TRPM3: variants seen among roughly 807,000 people sequenced by gnomAD.
TRPM3 encodes transient receptor potential cation channel subfamily M member 3.
Under a neutral mutation model 181.2 loss-of-function variants are expected in TRPM3, and 77 were observed. The ratio of observed to expected loss-of-function variants is 0.42; its 90% confidence interval spans 0.35 to 0.51. TRPM3 has a LOEUF of 0.51. Ranked by LOEUF, TRPM3 falls within the 20% of genes least tolerant of loss-of-function variation. The pLI, the probability that TRPM3 is intolerant of heterozygous loss-of-function variation, is 0.01. For synonymous variants in TRPM3, 745 were observed against 796.4 expected, an observed-to-expected ratio of 0.94 and a Z score of 1.09; for missense variants, 1,759 against 2,196.7, an observed-to-expected ratio of 0.80 and a Z score of 3.98.
At chr9:71,441,847 G>A (rs979994039) in intron 1 of TRPM3, among the ~76,000 whole-genome samples, 1 of 152,074 alleles carries the variant, frequency 6.6e-6, no homozygotes, top group Non-Finnish European at 1.5e-5. Context: ...TGGCTAGGAT[G>A]GCTGCTATCT....
chr9:71,283,994 T>G (rs1005395695), intron 1 of TRPM3, among the ~76,000 whole-genome samples: 5 of 152,204 alleles, frequency 3.3e-5, no homozygotes, highest in Non-Finnish European at 7.3e-5. Context: ...AGACAATATA[T>G]TAGGGAGGCA....
chr9:70,643,766 A>G (rs954212882), intron 9 of TRPM3, among the ~76,000 whole-genome samples: 6 of 152,250 alleles, frequency 3.9e-5, no homozygotes, highest in African/African-American at 1.4e-4. Flanking sequence ...ACAGCCCCAC[A>G]GATTCTAGTT....
intron 1 of TRPM3, among the ~76,000 whole-genome samples, chr9:71,128,713 T>C (rs562733562): frequency 1.2e-4 from 19 of 152,292 alleles, no homozygotes; most frequent in African/African-American, 4.6e-4. Flanking sequence ...ATTAATATAT[T>C]TTAGGAGGAG....
At chr9:71,255,975 AT>A (rs1565390603) in intron 1 of TRPM3, among the ~76,000 whole-genome samples, 2 of 152,176 alleles carry the variant, frequency 1.3e-5, no homozygotes, top group Non-Finnish European at 2.9e-5. Flanking sequence ...AAGAAAAAAA[AT>A]CGATTTATTG....
At chr9:70,861,842 T>C (rs1377457995) in intron 3 of TRPM3, among the ~76,000 whole-genome samples, 2 of 151,502 alleles carry the variant, frequency 1.3e-5, no homozygotes, top group African/African-American at 4.9e-5. Context: ...TCAGAAATGG[T>C]TTTAATATAC....
chr9:71,171,619 AC>A (rs2076862685), intron 1 of TRPM3, among the ~76,000 whole-genome samples: 1 of 152,122 alleles, frequency 6.6e-6, no homozygotes, highest in Non-Finnish European at 1.5e-5. Context: ...TAAAATACCT[AC>A]AATGTGTTAA....
intron 1 of TRPM3, among the ~76,000 whole-genome samples, chr9:71,079,780 TAGAA>T (rs150121361): frequency 0.014 from 2,190 of 152,228 alleles, 31 homozygotes; most frequent in East Asian, 0.061. Context: ...GGGGTTGGAT[TAGAA>T]AGGCTCCTAT....
intron 1 of TRPM3, among the ~76,000 whole-genome samples, chr9:71,158,714 T>G (rs1330473146): frequency 6.6e-6 from 1 of 152,148 alleles, no homozygotes; most frequent in Non-Finnish European, 1.5e-5. Flanking sequence ...CCCAGATAGC[T>G]GTTCAAAAAT....
intron 1 of TRPM3, among the ~76,000 whole-genome samples, chr9:71,270,678 C>A (rs1175725855): frequency 6.6e-6 from 1 of 152,154 alleles, no homozygotes; most frequent in African/African-American, 2.4e-5. Flanking sequence ...TACCTTTACT[C>A]CTGGTATACA....
chr9:70,823,343 C>T (rs971482595), intron 6 of TRPM3, among the ~76,000 whole-genome samples: 1 of 152,174 alleles, frequency 6.6e-6, no homozygotes, highest in African/African-American at 2.4e-5. Flanking sequence ...ATTAGGGAGA[C>T]CCTGTAATGT....
chr9:71,300,512 C>CTT (rs200428173), intron 1 of TRPM3, among the ~76,000 whole-genome samples: 1 of 149,436 alleles, frequency 6.7e-6, no homozygotes, highest in Non-Finnish European at 1.5e-5. Context: ...TGACATTAAA[C>CTT]TTTTTTTTTT....
chr9:71,252,847 CTTTTTTTTTTTT>C (rs11417438), intron 1 of TRPM3, among the ~76,000 whole-genome samples: 2 of 84,754 alleles, frequency 2.4e-5, no homozygotes, highest in Non-Finnish European at 4.2e-5. Context: ...AATTTTGTCT[CTTTTTTTTTTTT>C]TTTTTTTTTT....
chr9:71,266,653 T>C (rs989574457), intron 1 of TRPM3, among the ~76,000 whole-genome samples: 13 of 152,278 alleles, frequency 8.5e-5, no homozygotes, highest in African/African-American at 2.4e-4. Flanking sequence ...GCTGACAAAA[T>C]TGCATGTGTA....
At chr9:71,134,550 CAAA>C (rs71352343) in intron 1 of TRPM3, among the ~76,000 whole-genome samples, 1 of 120,810 alleles carries the variant, frequency 8.3e-6, no homozygotes, top group Non-Finnish European at 1.7e-5. Flanking sequence ...TGCTCCATCT[CAAA>C]AAAAAAAAAA....
At chr9:71,339,761 A>G (rs2090825140) in intron 1 of TRPM3, among the ~76,000 whole-genome samples, 1 of 152,084 alleles carries the variant, frequency 6.6e-6, no homozygotes, top group Non-Finnish European at 1.5e-5. Flanking sequence ...GTTGACTCTG[A>G]GGGGGTAGCA....
chr9:71,198,532 T>C (rs1327930834), intron 1 of TRPM3, among the ~76,000 whole-genome samples: 1 of 152,150 alleles, frequency 6.6e-6, no homozygotes, highest in Non-Finnish European at 1.5e-5. Context: ...TTTCTTTGTA[T>C]CCTCTTTTAT....
intron 1 of TRPM3, among the ~76,000 whole-genome samples, chr9:71,411,055 C>CT (rs2093539408): frequency 6.6e-6 from 1 of 152,292 alleles, no homozygotes; most frequent in East Asian, 1.9e-4. Flanking sequence ...TTCAACAGCC[C>CT]TTCATGCTAA....
intron 1 of TRPM3, among the ~76,000 whole-genome samples, chr9:71,182,875 T>G (rs1219478280): frequency 6.6e-6 from 1 of 152,032 alleles, no homozygotes; most frequent in Non-Finnish European, 1.5e-5. Flanking sequence ...TTGGCCAGGA[T>G]GGTCTCAAAC....
chr9:71,257,726 T>C (rs1390205977), intron 1 of TRPM3, among the ~76,000 whole-genome samples: 1 of 152,210 alleles, frequency 6.6e-6, no homozygotes, highest in Admixed American at 6.6e-5. Context: ...TGTATCTTTG[T>C]ACTAAGTCTG....
Sources: gnomAD v4.1 joint callset for allele counts (sites outside exome capture counted in the v4.1 genomes callset) on GRCh38, gnomAD v4.1.1 for gene constraint, MANE v1.5 for transcripts, NCBI Gene and HGNC (gene_info 2026-07-23, HGNC 2026-07-21) for gene names.